The following ANK2 variants were observed in gnomAD, a reference collection of about 807,000 sequenced individuals.
The protein encoded by ANK2 is ankyrin-2.
A neutral mutation model predicts 360.5 loss-of-function variants in ANK2; 83 were observed. That is an observed-to-expected ratio of 0.23 (90% confidence interval 0.19 to 0.28). The LOEUF (loss-of-function observed/expected upper bound fraction) is 0.28. ANK2 is among the 10% of genes least tolerant of loss of function. The probability of loss-of-function intolerance (pLI) is 1.00; values close to 1 mark genes in which losing one functional copy is unlikely to be tolerated. For missense variants in ANK2, 4,201 were observed against 4,795.7 expected (o/e 0.88, Z 3.66); for synonymous variants, 1,740 against 1,759.5 (o/e 0.99, Z 0.28).
In ANK2 at chr4:113,006,581, A is replaced by G. The variant is rs2052947288; in HGVS notation, c.21+102067A>G. ...TTATAGACTGTTGATAAGAGTATAA[A>G]TGGGCACAGGATTTCTACAGGGCAA... On this transcript the variant is annotated intron_variant, in intron 2 of 30. Transcript: ENST00000503271. 2.0e-5 allele frequency among the ~76,000 whole-genome samples: 3 copies of G among 152,218 alleles called. No homozygotes were observed. The South Asian group carries it at 6.2e-4, about 32-fold the overall frequency.
the ANK2 span, among the ~76,000 whole-genome samples, chr4:112,810,020 G>A: frequency 2.0e-5 from 3 of 149,926 alleles, no homozygotes; most frequent in African/African-American, 2.5e-5. Context: ...CTAACATGTT[G>A]TCATATTTAC....
At chr4:113,205,081 A>G (rs1416140875) in intron 4 of ANK2, among the ~76,000 whole-genome samples, 1 of 151,820 alleles carries the variant, frequency 6.6e-6, no homozygotes, top group Non-Finnish European at 1.5e-5. Context: ...TAAAAATACA[A>G]AAAAATTAGC....
intron 1 of ANK2, among the ~76,000 whole-genome samples, chr4:113,125,448 C>A (rs1192729353): frequency 2.6e-5 from 4 of 152,032 alleles, no homozygotes; most frequent in African/African-American, 9.7e-5. Flanking sequence ...GGCAACATAC[C>A]AGAAAGCTGT....
intron 2 of ANK2, among the ~76,000 whole-genome samples, chr4:112,973,620 T>A (rs1561359186): frequency 6.6e-6 from 1 of 152,234 alleles, no homozygotes; most frequent in Non-Finnish European, 1.5e-5. Flanking sequence ...CCAGCCTGGC[T>A]TTCTATGCAA....
Position 113,093,087 on chromosome 4 carries a change from C to G in ANK2, c.84+43275C>G, listed in dbSNP as rs1212175325. Among the ~76,000 whole-genome samples, 3 of 152,076 alleles carry G rather than the reference C, an allele frequency of 2.0e-5. No homozygotes were observed. The East Asian group carries it at 5.8e-4, about 29-fold the overall frequency. On this transcript the variant is annotated intron_variant, in intron 1 of 45. Transcript: ENST00000357077. ...GATATTATATAAGAATATAAAATGCCTTAACATGCTTATAGTGCAGTTATA... is the reference window on the plus strand; with the variant it reads ...GATATTATATAAGAATATAAAATGCGTTAACATGCTTATAGTGCAGTTATA...
At chr4:113,168,794 TAA>T (rs768744805) in intron 1 of ANK2, among the ~76,000 whole-genome samples, 3 of 152,228 alleles carry the variant, frequency 2.0e-5, no homozygotes, top group South Asian at 2.1e-4. Context: ...ACAGCAATAA[TAA>T]TGTGAGCTAA....
Position 113,153,050 on chromosome 4 carries a change from T to G in ANK2, c.85-21366T>G, listed in dbSNP as rs560729352. Among the ~76,000 whole-genome samples, 26 of 152,344 alleles carry G rather than the reference T, an allele frequency of 1.7e-4. No individual in the cohort carries two copies. In the South Asian group the frequency reaches 4.8e-3, roughly 28 times the overall value. On this transcript the variant is annotated intron_variant, in intron 1 of 45. Coordinates refer to ENST00000357077, the MANE Select transcript of ANK2 (RefSeq NM_001148.6). ...AATTGAAACTGTGTTTTTGATGAGT[T>G]TAAGTGTTGCTGACATACAGTTTAT...
At chr4:112,988,351 G>A (rs2045646384) in intron 2 of ANK2, among the ~76,000 whole-genome samples, 1 of 152,176 alleles carries the variant, frequency 6.6e-6, no homozygotes, top group African/African-American at 2.4e-5. Context: ...CAGAATGATG[G>A]CTGAAGTATC....
At position 113,357,452 on chromosome 4, in the gene ANK2, A is replaced by G. The variant is rs1335753395; in HGVS notation, c.8834A>G (p.Gln2945Arg). ...SFFSSEESKT[Q>R]TDANHTTSFH... The stretch of plus-strand genomic sequence containing the variant: ...TTCTCTAGTGAAGAAAGCAAAACCC[A>G]AACAGATGCAAATCACACCACAAGT... The change falls in exon 38 of 46, where the codon CAA becomes CGA. Residue 2945 changes from glutamine to arginine, a missense_variant. By Grantham distance (43) the Gln-to-Arg change is conservative. Transcript: ENST00000357077. 6.2e-7 allele frequency: 1 copy of G among 1,613,982 alleles called. No individual in the cohort carries two copies. The highest frequency in any genetic ancestry group is 1.3e-5 in the African/African-American group (1 of 74,906).
intron 29 of ANK2, among the ~76,000 whole-genome samples, chr4:113,333,788 A>G (rs2093005195): frequency 6.6e-6 from 1 of 152,216 alleles, no homozygotes; most frequent in Non-Finnish European, 1.5e-5. Flanking sequence ...CCAGGGTTGA[A>G]TTGCATACAC....
In ANK2 at chr4:112,961,957, T is replaced by A. The variant is rs949998855; in HGVS notation, c.21+57443T>A. On this transcript the variant is annotated intron_variant, in intron 2 of 30. Transcript: ENST00000503271. Reference sequence around the variant, plus strand: ...TGGGATGGGGCCTGGGCCTAGGAATTTTTCCAAGTTTCCAAAGGATCTACA... The same window carrying A: ...TGGGATGGGGCCTGGGCCTAGGAATATTTCCAAGTTTCCAAAGGATCTACA... Among the ~76,000 whole-genome samples, 9 of 152,154 alleles carry A rather than the reference T, an allele frequency of 5.9e-5. No homozygotes were observed. The East Asian group carries it at 1.7e-3, about 29-fold the overall frequency.
intron 1 of ANK2, among the ~76,000 whole-genome samples, chr4:112,903,461 AG>A (rs1241712422): frequency 6.6e-6 from 1 of 152,174 alleles, no homozygotes; most frequent in African/African-American, 2.4e-5. Context: ...TTAGTATTTG[AG>A]TCTTTCATGT....
In ANK2 at chr4:113,356,013, C is replaced by T; in HGVS notation, c.7395C>T (p.Cys2465=). Residue 2465 remains cysteine, a synonymous_variant, in exon 38 of 46, where the codon TGC becomes TGT. Transcript: ENST00000357077. ...LEPSPLKESP[C]RDSLESSPVE... Reference sequence around the variant, plus strand: ...CAAGTCCTCTGAAAGAATCCCCTTGCCGTGACTCTCTGGAAAGCAGCCCTG... The same window carrying T: ...CAAGTCCTCTGAAAGAATCCCCTTGTCGTGACTCTCTGGAAAGCAGCCCTG... 2 of 1,614,122 alleles carry T rather than the reference C, an allele frequency of 1.2e-6. No individual in the cohort carries two copies. Among genetic ancestry groups the T allele is most frequent in the Non-Finnish European group, 8.5e-7 (1 of 1,179,978 alleles).
chr4:113,082,950 G>T (rs978407003), intron 1 of ANK2, among the ~76,000 whole-genome samples: 6 of 152,118 alleles, frequency 3.9e-5, no homozygotes, highest in African/African-American at 1.4e-4. Flanking sequence ...ATTTATAAAG[G>T]TGTGAATGTA....
At chr4:113,068,697 A>C (rs1316112706) in intron 1 of ANK2, among the ~76,000 whole-genome samples, 1 of 152,200 alleles carries the variant, frequency 6.6e-6, no homozygotes, top group Non-Finnish European at 1.5e-5. Flanking sequence ...AAAGATAATA[A>C]ACTGCCACTT....
At position 113,287,697 on chromosome 4, in the gene ANK2, T is replaced by C. The variant is rs1216755738; in HGVS notation, c.2172T>C (p.His724=). 6.2e-7 allele frequency: 1 copy of C among 1,608,210 alleles called. No individual in the cohort carries two copies. Among genetic ancestry groups the C allele is most frequent in the African/African-American group, 1.3e-5 (1 of 74,772 alleles). ...LTKHGADQDA[H]TKLGYTPLIV... ...AGCATGGAGCTGATCAGGATGCTCATACAAAGGTAAAGCAAATCACTCTCA... is the reference window on the plus strand; with the variant it reads ...AGCATGGAGCTGATCAGGATGCTCACACAAAGGTAAAGCAAATCACTCTCA... Residue 724 remains histidine (H), a synonymous_variant, in exon 19 of 46, where the codon CAT becomes CAC. Coordinates refer to ENST00000357077, the MANE Select transcript of ANK2 (RefSeq NM_001148.6).
chr4:112,864,633 A>G (rs960825561), intron 1 of ANK2, among the ~76,000 whole-genome samples: 1 of 151,902 alleles, frequency 6.6e-6, no homozygotes, highest in African/African-American at 2.4e-5. Flanking sequence ...AAAGTATTTT[A>G]AAAAAACGTT....
Position 113,356,677 on chromosome 4 carries a change from A to T in ANK2, c.8059A>T (p.Ile2687Phe). 1 of 1,614,106 alleles carries T rather than the reference A, an allele frequency of 6.2e-7. No homozygotes were observed. Among genetic ancestry groups the T allele is most frequent in the Non-Finnish European group, 8.5e-7 (1 of 1,179,976 alleles). Reference sequence around the variant, plus strand: ...CTCAGGCCTTTTACCAGAACCAGTGATTCGAGTACAACCTCCTTCTCCACT... The same window carrying T: ...CTCAGGCCTTTTACCAGAACCAGTGTTTCGAGTACAACCTCCTTCTCCACT... ...ADSGLLPEPV[I>F]RVQPPSPLPS... Residue 2687 changes from isoleucine (I) to phenylalanine (F), a missense_variant, in exon 38 of 46, where the codon ATT becomes TTT. Physicochemically the swap from Ile to Phe is conservative, Grantham distance 21 (BLOSUM62 0). Transcript: ENST00000357077.
At chr4:112,838,117 A>G (rs967141299) in intron 1 of ANK2, among the ~76,000 whole-genome samples, 1 of 152,178 alleles carries the variant, frequency 6.6e-6, no homozygotes, top group East Asian at 1.9e-4. Context: ...GAGGTGGATC[A>G]TGGGGGCAGT....
Sources: gnomAD v4.1 joint callset for allele counts (sites outside exome capture counted in the v4.1 genomes callset) on GRCh38, gnomAD v4.1.1 for gene constraint, MANE v1.5 for transcripts, NCBI Gene and HGNC (gene_info 2026-07-23, HGNC 2026-07-21) for gene names.